Variants in MYO16 observed in about 807,000 individuals in gnomAD.
MYO16 encodes myosin XVI, also known as unconventional myosin-XVI.
MYO16 carries 94 observed loss-of-function variants against 205.3 expected under a neutral mutation model. The observed-to-expected ratio is 0.46, with a 90% CI of 0.39 to 0.54. The LOEUF is 0.54. Among genes scored for constraint, MYO16 ranks in the 20% least tolerant of loss-of-function variants. The pLI, the probability that MYO16 is intolerant of heterozygous loss-of-function variation, is 0.00. For synonymous variants in MYO16, 988 were observed against 954.0 expected (o/e 1.04, Z -0.66); for missense variants, 2,315 against 2,387.5 (o/e 0.97, Z 0.63).
chr13:108,911,066 C>CACACAGAGAG (rs59417999), intron 16 of MYO16, among the ~76,000 whole-genome samples: 69 of 143,124 alleles, frequency 4.8e-4, no homozygotes, highest in South Asian at 1.4e-3. Flanking sequence ...CACACACACA[C>CACACAGAGAG]AGAGAGAGAG....
intron 33 of MYO16, among the ~76,000 whole-genome samples, chr13:109,170,853 C>T (rs189314131): frequency 2.6e-4 from 39 of 152,166 alleles, no homozygotes; most frequent in Middle Eastern, 3.4e-3. Flanking sequence ...ATAGTGTGTA[C>T]GGCCAAAGCC....
intron 21 of MYO16, among the ~76,000 whole-genome samples, chr13:108,997,326 AAGAAAGAAAGAAAGAGAGAGAG>A (rs1566452201): frequency 1.3e-3 from 12 of 9,234 alleles, no homozygotes; most frequent in Admixed American, 1.6e-3. Context: ...GAAAGAAAGA[AAGAAAGAAAGAAAGAGAGAGAG>A]AGAGAGAGAG....
chr13:109,163,074 T>C (rs1878461587), intron 32 of MYO16, among the ~76,000 whole-genome samples: 1 of 152,206 alleles, frequency 6.6e-6, no homozygotes, highest in Admixed American at 6.5e-5. Flanking sequence ...ATTTAAACTC[T>C]TCTGCCTAGT....
intron 10 of MYO16, among the ~76,000 whole-genome samples, chr13:108,845,030 T>C (rs1478397748): frequency 6.6e-6 from 1 of 152,098 alleles, no homozygotes. Context: ...GGGAATGAGC[T>C]TGGAGTTATG....
At chr13:108,703,338 A>G (rs1386990729) in intron 2 of MYO16, among the ~76,000 whole-genome samples, 5 of 152,238 alleles carry the variant, frequency 3.3e-5, no homozygotes, top group Non-Finnish European at 5.9e-5. Context: ...TAAGGACATT[A>G]TATAGTGATA....
the MYO16 span, among the ~76,000 whole-genome samples, chr13:108,531,175 T>C: frequency 4.6e-5 from 7 of 152,290 alleles, no homozygotes; most frequent in East Asian, 7.7e-4. Context: ...TAAGGTGAGG[T>C]TGGCAAAGTT....
intron 20 of MYO16, among the ~76,000 whole-genome samples, chr13:108,983,332 C>G (rs1256631811): frequency 1.1e-4 from 16 of 152,060 alleles, no homozygotes; most frequent in Admixed American, 1.0e-3. Flanking sequence ...AGTGATCAGC[C>G]CCAGGACAGT....
At chr13:109,040,320 G>A (rs536150674) in intron 23 of MYO16, among the ~76,000 whole-genome samples, 203 of 146,950 alleles carry the variant, frequency 1.4e-3, no homozygotes, top group African/African-American at 4.9e-3. Context: ...ATTTGATAAA[G>A]CAAGTATTAT....
At chr13:109,096,510 A>G (rs1258802625) in intron 27 of MYO16, among the ~76,000 whole-genome samples, 1 of 152,214 alleles carries the variant, frequency 6.6e-6, no homozygotes, top group Non-Finnish European at 1.5e-5. Flanking sequence ...AAGTGAATGA[A>G]TGTCTACAAC....
At chr13:108,741,605 C>T (rs1300457933) in intron 4 of MYO16, among the ~76,000 whole-genome samples, 3 of 152,184 alleles carry the variant, frequency 2.0e-5, no homozygotes, top group Non-Finnish European at 4.4e-5. Flanking sequence ...TTTCATCATT[C>T]TGTTCAGGCT....
intron 4 of MYO16, among the ~76,000 whole-genome samples, chr13:108,754,599 G>A (rs899406210): frequency 2.6e-5 from 4 of 152,136 alleles, no homozygotes. Context: ...ACCTTAAGGT[G>A]GAAATAAAAC....
intron 16 of MYO16, among the ~76,000 whole-genome samples, chr13:108,937,454 T>C (rs1882538886): frequency 1.3e-5 from 2 of 152,224 alleles, no homozygotes; most frequent in African/African-American, 4.8e-5. Flanking sequence ...TTCCTTCAAA[T>C]ATATTTTTCG....
intron 6 of MYO16, among the ~76,000 whole-genome samples, chr13:108,795,262 G>A (rs9671120): frequency 0.05 from 7,541 of 151,306 alleles, 583 homozygotes; most frequent in African/African-American, 0.17. Flanking sequence ...CATGGTCTTG[G>A]CTCACTGCAA....
At chr13:108,969,789 A>AT (rs887162981) in intron 20 of MYO16, among the ~76,000 whole-genome samples, 141 of 151,604 alleles carry the variant, frequency 9.3e-4, no homozygotes, top group African/African-American at 3.3e-3. Context: ...ATTGTTAAAT[A>AT]TTTTTTTTTC....
At chr13:108,945,170 A>T (rs934834314) in intron 16 of MYO16, among the ~76,000 whole-genome samples, 3 of 152,208 alleles carry the variant, frequency 2.0e-5, no homozygotes, top group Non-Finnish European at 2.9e-5. Flanking sequence ...TCTAAATTAG[A>T]ATATTACAAC....
chr13:108,518,298 C>T, the MYO16 span, among the ~76,000 whole-genome samples: 1 of 152,096 alleles, frequency 6.6e-6, no homozygotes, highest in African/African-American at 2.4e-5. Context: ...TAATACGACT[C>T]ATAATTTAAC....
the MYO16 span, among the ~76,000 whole-genome samples, chr13:108,577,270 T>G: frequency 6.6e-6 from 1 of 152,140 alleles, no homozygotes; most frequent in Non-Finnish European, 1.5e-5. Context: ...GAGTAGTGAC[T>G]TAGAGGAGGG....
chr13:108,664,728 AT>A (rs1181271232), intron 1 of MYO16, among the ~76,000 whole-genome samples: 2 of 152,204 alleles, frequency 1.3e-5, no homozygotes, highest in Admixed American at 1.3e-4. Context: ...AGCTTCTAGA[AT>A]TTTTAATGCT....
intron 4 of MYO16, among the ~76,000 whole-genome samples, chr13:108,749,890 A>G (rs1885177189): frequency 6.6e-6 from 1 of 152,232 alleles, no homozygotes; most frequent in Non-Finnish European, 1.5e-5. Context: ...GTCCTTCTGT[A>G]AACAAGTGGA....
Sources: gnomAD v4.1 joint callset for allele counts (sites outside exome capture counted in the v4.1 genomes callset) on GRCh38, gnomAD v4.1.1 for gene constraint, MANE v1.5 for transcripts, NCBI Gene and HGNC (gene_info 2026-07-23, HGNC 2026-07-21) for gene names.